OSBPL3: variants seen among roughly 807,000 people sequenced by gnomAD.
OSBPL3 encodes oxysterol-binding protein-related protein 3.
OSBPL3 carries 65 observed loss-of-function variants against 120.1 expected under a neutral mutation model. The observed-to-expected ratio is 0.54, with a 90% CI of 0.44 to 0.67. OSBPL3 has a LOEUF of 0.67. OSBPL3 is among the 30% of genes least tolerant of loss of function. The probability of loss-of-function intolerance (pLI) is 0.00; values close to 1 mark genes in which losing one functional copy is unlikely to be tolerated. For synonymous variants in OSBPL3, 416 were observed against 402.6 expected (o/e 1.03, Z -0.40); for missense variants, 1,004 against 1,082.1 (o/e 0.93, Z 1.01).
At chr7:24,875,417 G>T (rs1452798094) in intron 2 of OSBPL3, among the ~76,000 whole-genome samples, 1 of 152,114 alleles carries the variant, frequency 6.6e-6, no homozygotes, top group Non-Finnish European at 1.5e-5. Context: ...ATGTCTTCTG[G>T]TGTAGTCATG....
chr7:24,876,593 C>G (rs1252246315), intron 2 of OSBPL3, among the ~76,000 whole-genome samples: 1 of 152,004 alleles, frequency 6.6e-6, no homozygotes, highest in Non-Finnish European at 1.5e-5. Context: ...GGGTCTCAAA[C>G]CAAGAAAATA....
At chr7:24,845,831 T>C (rs1201224026) in intron 12 of OSBPL3, among the ~76,000 whole-genome samples, 1 of 152,198 alleles carries the variant, frequency 6.6e-6, no homozygotes, top group Admixed American at 6.5e-5. Flanking sequence ...TAACATGCAA[T>C]GAGAAGATTT....
intron 2 of OSBPL3, among the ~76,000 whole-genome samples, chr7:24,889,283 T>C (rs896448429): frequency 6.6e-6 from 1 of 152,216 alleles, no homozygotes; most frequent in Non-Finnish European, 1.5e-5. Flanking sequence ...TTCACTTACA[T>C]GTGGAATCTA....
rs541985406 is a variant in OSBPL3, at chr7:24,798,277, T to C, written c.*1906A>G. The C allele has an allele frequency of 6.6e-6, 1 of 152,376 alleles. No individual in the cohort carries two copies. Among genetic ancestry groups the C allele is most frequent in the Middle Eastern group, 3.4e-3 (1 of 294 alleles). The allele number at this position is 152,376 out of a possible 1,614,324, so 9.4% of individuals were successfully genotyped here. A position where few individuals can be genotyped will look rare whatever the true frequency, so the allele number is the denominator to read the frequency against. ...CATTTTGTTTTCGTTGCTTCTTTCT[T>C]TTTTGAGCCAGTCTCTGGAGCAGGC... is the stretch of plus-strand genomic sequence containing the variant. On this transcript the variant is annotated 3_prime_UTR_variant, in exon 23 of 23. Coordinates refer to ENST00000313367, the MANE Select transcript of OSBPL3 (RefSeq NM_015550.4). This position sits in a 1 kb window ranked among gnomAD's most constrained non-coding sequence, Gnocchi z 4.6.
intron 16 of OSBPL3, among the ~76,000 whole-genome samples, chr7:24,823,017 A>G (rs1008499158): frequency 6.6e-6 from 1 of 152,038 alleles, no homozygotes; most frequent in Non-Finnish European, 1.5e-5. Flanking sequence ...TTCTGGGGAG[A>G]TTTACATTGA....
intron 11 of OSBPL3, among the ~76,000 whole-genome samples, chr7:24,850,157 T>G (rs1798964279): frequency 6.6e-6 from 1 of 152,148 alleles, no homozygotes; most frequent in Admixed American, 6.5e-5. Context: ...AAATGTGAGA[T>G]GAAAAGCAAA....
chr7:24,965,543 T>C lies in OSBPL3; in HGVS notation c.-150+14343A>G, dbSNP rs1816271814. 6.6e-6 allele frequency among the ~76,000 whole-genome samples: 1 copy of C among 152,160 alleles called. No homozygotes were observed. The highest frequency in any genetic ancestry group is 1.5e-5 in the Non-Finnish European group (1 of 68,018). ...GAATGGACTCCAGGCTGGTTAAGAC[T>C]TGGTCTTCTGCCTGCTGAACCAATG... On this transcript the variant is annotated intron_variant, in intron 1 of 22. Transcript: ENST00000313367. This position sits in a 1 kb window ranked among gnomAD's most constrained non-coding sequence, Gnocchi z 4.3.
At position 24,916,924 on chromosome 7, in the gene OSBPL3, C is replaced by CCT. The variant is rs974233814; in HGVS notation, c.-149-24304_-149-24303insAG. Among the ~76,000 whole-genome samples, 7 of 151,730 alleles carry CCT rather than the reference C, an allele frequency of 4.6e-5. No homozygotes were observed. In the South Asian group the frequency reaches 1.3e-3, roughly 27 times the overall value. On this transcript the variant is annotated intron_variant, in intron 1 of 22. Transcript: ENST00000313367. The surrounding 1 kb of genome is among the most constrained non-coding windows in gnomAD (Gnocchi z 4.9). ...TAAGACGTCTTCCATTTCCACCCCC[C>CCT]CCAACCTTTTTAGAAAATTAAATAA...
intron 1 of OSBPL3, among the ~76,000 whole-genome samples, chr7:24,979,340 C>T (rs1464518724): frequency 6.6e-6 from 1 of 151,920 alleles, no homozygotes; most frequent in African/African-American, 2.4e-5. Flanking sequence ...TATGTAAATT[C>T]AGACAAGAAA....
intron 11 of OSBPL3, among the ~76,000 whole-genome samples, chr7:24,850,658 AAC>A (rs1799036040): frequency 6.6e-6 from 1 of 152,226 alleles, no homozygotes; most frequent in African/African-American, 2.4e-5. Flanking sequence ...AGCCACATAT[AAC>A]AGTCTCTCTG....
chr7:24,848,823 A>G (rs1798753375), intron 12 of OSBPL3, among the ~76,000 whole-genome samples: 1 of 152,118 alleles, frequency 6.6e-6, no homozygotes, highest in Admixed American at 6.5e-5. Context: ...AAACAGAAAT[A>G]TAAAAAAAAA....
At chr7:24,960,536 T>A (rs768698059) in intron 1 of OSBPL3, among the ~76,000 whole-genome samples, 2 of 152,120 alleles carry the variant, frequency 1.3e-5, no homozygotes, top group African/African-American at 2.4e-5. Flanking sequence ...ATCTTTTCCA[T>A]TGGGCTGTGA....
At position 24,877,641 on chromosome 7, in the gene OSBPL3, C is replaced by T. The variant is rs1377680910; in HGVS notation, c.97-5572G>A. Reference sequence around the variant, plus strand: ...AAAGCAAGGGGGGTATCAAAAGAGTCCCCCAGAACCTTCGGGACATGGGAC... The same window carrying T: ...AAAGCAAGGGGGGTATCAAAAGAGTTCCCCAGAACCTTCGGGACATGGGAC... On this transcript the variant is annotated intron_variant, in intron 2 of 22. Coordinates refer to ENST00000313367, the MANE Select transcript of OSBPL3 (RefSeq NM_015550.4). The surrounding 1 kb of genome is among the most constrained non-coding windows in gnomAD (Gnocchi z 4.8). Among the ~76,000 whole-genome samples, 1 of 152,096 alleles carries T rather than the reference C, an allele frequency of 6.6e-6. No individual in the cohort carries two copies. The highest frequency in any genetic ancestry group is 1.5e-5 in the Non-Finnish European group (1 of 68,004).
In OSBPL3 at chr7:24,916,017, T is replaced by C; in HGVS notation, c.-149-23396A>G. Among the ~76,000 whole-genome samples, 1 of 152,000 alleles carries C rather than the reference T, an allele frequency of 6.6e-6. No homozygotes were observed. The highest frequency in any genetic ancestry group is 1.9e-4 in the East Asian group (1 of 5,186). On this transcript the variant is annotated intron_variant, in intron 1 of 22. Transcript: ENST00000313367. The surrounding 1 kb of genome is among the most constrained non-coding windows in gnomAD (Gnocchi z 4.9). ...AGTATAAAGCCTAACAAAACAAAAA[T>C]AAAACAAGCAGCATACATCAGAAAG...
At chr7:24,875,872 C>T (rs1802771109) in intron 2 of OSBPL3, among the ~76,000 whole-genome samples, 2 of 151,920 alleles carry the variant, frequency 1.3e-5, no homozygotes, top group Admixed American at 6.6e-5. Flanking sequence ...ACATTGGTTA[C>T]GTGGACGACA....
At chr7:24,957,027 G>A (rs1341188817) in intron 1 of OSBPL3, among the ~76,000 whole-genome samples, 5 of 152,230 alleles carry the variant, frequency 3.3e-5, no homozygotes, top group Admixed American at 6.5e-5. Context: ...CATGCTATCT[G>A]CCTTGCCTGG....
rs976832430 is a variant in OSBPL3 at position 24,804,961 on chromosome 7, G to A, written c.2445-524C>T. Among the ~76,000 whole-genome samples, 1 of 152,124 alleles carries A rather than the reference G, an allele frequency of 6.6e-6. No individual in the cohort carries two copies. Among genetic ancestry groups the A allele is most frequent in the African/African-American group, 2.4e-5 (1 of 41,426 alleles). The stretch of plus-strand genomic sequence containing the variant: ...TAATAGCCACATAATATCCAGTTGC[G>A]TGGATGTATATGAATTTAGACAATT... On this transcript the variant is annotated intron_variant, in intron 21 of 22. Transcript: ENST00000313367. The surrounding 1 kb of genome is among the most constrained non-coding windows in gnomAD (Gnocchi z 5.4).
intron 1 of OSBPL3, among the ~76,000 whole-genome samples, chr7:24,954,960 G>A (rs1474393154): frequency 6.6e-6 from 1 of 152,124 alleles, no homozygotes; most frequent in Non-Finnish European, 1.5e-5. Flanking sequence ...AGCAAACAGG[G>A]CAGGCAAGGG....
intron 1 of OSBPL3, among the ~76,000 whole-genome samples, chr7:24,971,999 C>T (rs1398880496): frequency 6.6e-6 from 1 of 152,220 alleles, no homozygotes; most frequent in Non-Finnish European, 1.5e-5. Flanking sequence ...TTCTTTTAGG[C>T]TTCACATACC....
Sources: gnomAD v4.1 joint callset for allele counts (sites outside exome capture counted in the v4.1 genomes callset) on GRCh38, gnomAD v4.1.1 for gene constraint, Gnocchi (gnomAD v3.1) non-coding constraint, MANE v1.5 for transcripts, NCBI Gene and HGNC (gene_info 2026-07-23, HGNC 2026-07-21) for gene names.